NLRP5: variants seen among roughly 807,000 people sequenced by gnomAD.
NLRP5 encodes the protein NACHT, LRR and PYD domains-containing protein 5.
Under a neutral mutation model 113.1 loss-of-function variants are expected in NLRP5, and 93 were observed. The ratio of observed to expected loss-of-function variants is 0.82; its 90% confidence interval spans 0.70 to 0.98. The LOEUF is 0.98. NLRP5 is among the 50% of genes least tolerant of loss of function. The pLI is 0.00. For missense variants in NLRP5, 1,808 were observed against 1,514.3 expected (o/e 1.19, Z -3.22); for synonymous variants, 751 against 600.7 (o/e 1.25, Z -3.66).
intron 11 of NLRP5, 132 bp from the exon 12 acceptor site, chr19:56,050,286 A>AG: frequency 1.3e-6 from 1 of 787,252 alleles, no homozygotes; most frequent in African/African-American, 1.9e-5. Context: ...CAAAAAAAAA[A>AG]AAGAAAAAAA....
chr19:56,022,801 T>G (rs1027511157), intron 6 of NLRP5, among the ~76,000 whole-genome samples: 2 of 152,206 alleles, frequency 1.3e-5, no homozygotes, highest in Non-Finnish European at 2.9e-5. Context: ...CTCAGCTCAC[T>G]GCAACCTCCG....
Position 56,004,097 on chromosome 19 carries a change from T to TA in NLRP5, c.442+4dup. On this transcript the variant is annotated splice_region_variant and intron_variant, in intron 2 of 14. Coordinates refer to ENST00000390649, the MANE Select transcript of NLRP5 (RefSeq NM_153447.4). Reference sequence around the variant, plus strand: ...AGAAGGCACGGGATGACATGAAAAGTAAGCGAGACTTGGGACAAGTCTAGG... The same window carrying TA: ...AGAAGGCACGGGATGACATGAAAAGTAAAGCGAGACTTGGGACAAGTCTAGG... 1 of 1,597,094 alleles carries TA rather than the reference T, an allele frequency of 6.3e-7. No homozygotes were observed. The highest frequency in any genetic ancestry group is 8.5e-7 in the Non-Finnish European group (1 of 1,170,530).
At chr19:56,035,071 TGG>T (rs201177314) in intron 9 of NLRP5, among the ~76,000 whole-genome samples, 1,593 of 152,296 alleles carry the variant, frequency 0.01, 24 homozygotes, top group African/African-American at 0.034. Flanking sequence ...CCCAAGTAGC[TGG>T]GATTACAGGC....
chr19:56,049,336 C>T (rs10419239), intron 11 of NLRP5, among the ~76,000 whole-genome samples: 100,584 of 151,766 alleles, frequency 0.66, 33,917 homozygotes, highest in Non-Finnish European at 0.7. Context: ...TGCACCACCA[C>T]GCCCAACTAA....
rs34855619 is a variant in NLRP5 at position 56,032,344 on chromosome 19, C to CAA, written c.2277-252_2277-251dup. On this transcript the variant is annotated intron_variant, in intron 7 of 14. Coordinates refer to ENST00000390649, the MANE Select transcript of NLRP5 (RefSeq NM_153447.4). ...TGGGCAACGGAGCGAGACTCCATCT[C>CAA]AAAAAAAAAAAAAAAAGATCTGATT... Among the ~76,000 whole-genome samples, 1,216 of 123,584 alleles carry CAA rather than the reference C, an allele frequency of 9.8e-3. 18 individuals carry two copies. Among genetic ancestry groups the CAA allele is most frequent in the African/African-American group, 0.031 (1,048 of 33,878 alleles). The allele number at this position is 123,584 out of a possible 152,430, so 81.1% of individuals were successfully genotyped here. A position where few individuals can be genotyped will look rare whatever the true frequency, so the allele number is the denominator to read the frequency against.
rs536680248 is a variant in NLRP5, at chr19:56,031,191, C to T, written c.2277-1420C>T. Among the ~76,000 whole-genome samples the T allele has an allele frequency of 7.9e-5, 12 of 152,206 alleles. No individual in the cohort carries two copies. In the South Asian group the frequency reaches 8.3e-4, roughly 11 times the overall value. ...TACGATACAATATTAACTACAGGCA[C>T]GACATTGAACAATGGATCTCTAGAA... is the stretch of plus-strand genomic sequence containing the variant. On this transcript the variant is annotated intron_variant, in intron 7 of 14. Transcript: ENST00000390649.
chr19:56,058,209 G>A (rs761487821), intron 13 of NLRP5, 31 bp from the exon 14 acceptor site: 2 of 1,574,914 alleles, frequency 1.3e-6, no homozygotes, highest in East Asian at 2.3e-5. Context: ...TCGATCTTTG[G>A]GGTTATTTTC....
intron 3 of NLRP5, among the ~76,000 whole-genome samples, chr19:56,012,047 C>G (rs1241811939): frequency 6.6e-6 from 1 of 152,082 alleles, no homozygotes; most frequent in Non-Finnish European, 1.5e-5. Flanking sequence ...CATGGTGAAT[C>G]TATTTAGTCT....
chr19:56,050,452 G>A lies in NLRP5; in HGVS notation c.2992G>A (p.Gly998Ser). The change falls in exon 12 of 15, where the codon GGT (glycine) becomes AGT (serine). Residue 998 changes from glycine to serine, a missense_variant. Coordinates refer to ENST00000390649, the MANE Select transcript of NLRP5 (RefSeq NM_153447.4). The stretch of plus-strand genomic sequence containing the variant: ...GTGCCACCTGGACACGGCTGGCTGT[G>A]GTTTTCTTGCACTTGCGCTTATGGG... The A allele has an allele frequency of 1.2e-6, 2 of 1,613,896 alleles. No homozygotes were observed. The highest frequency in any genetic ancestry group is 1.7e-6 in the Non-Finnish European group (2 of 1,179,876).
Position 56,003,785 on chromosome 19 carries a change from GA to G in NLRP5, c.133del (p.Ser45AlafsTer28). On this transcript the variant is annotated frameshift_variant, in exon 2 of 15. Transcript: ENST00000390649. LOFTEE classifies it high-confidence loss of function. The stretch of plus-strand genomic sequence containing the variant: ...AGAATCCACTTTTCCCCCAAAACCT[GA>G]GCTCTCAGCCTTGTATCAAGATGGA... 1 of 1,613,842 alleles carries G rather than the reference GA, an allele frequency of 6.2e-7. No individual in the cohort carries two copies. Among genetic ancestry groups the G allele is most frequent in the South Asian group, 1.1e-5 (1 of 91,072 alleles).
chr19:56,029,481 ATC>A (rs1344647722), intron 7 of NLRP5, among the ~76,000 whole-genome samples: 4 of 148,522 alleles, frequency 2.7e-5, no homozygotes, highest in Admixed American at 2.7e-4. Context: ...GGCCAGGCTG[ATC>A]TCGAACTCCT....
chr19:56,061,601 A>G lies in NLRP5; in HGVS notation c.*73A>G, dbSNP rs113376956. 2.0e-6 allele frequency: 3 copies of G among 1,527,634 alleles called. No homozygotes were observed. The highest frequency in any genetic ancestry group is 9.0e-7 in the Non-Finnish European group (1 of 1,107,662). 94.6% of individuals were successfully genotyped at this position (1,527,634 alleles called of 1,614,324 possible). ...AAACGCTGTTTTCTCAGAGCAAGCT[A>G]TGCACCTGGGAGTTCCTTCTCAAAG... On this transcript the variant is annotated 3_prime_UTR_variant, in exon 15 of 15. Transcript: ENST00000390649.
chr19:56,001,457 T>C (rs2123263909), intron 1 of NLRP5, among the ~76,000 whole-genome samples: 1 of 152,124 alleles, frequency 6.6e-6, no homozygotes, highest in African/African-American at 2.4e-5. Flanking sequence ...TACTTGAAAT[T>C]TTATAATTTA....
At chr19:56,039,325 A>C (rs1288082417) in intron 10 of NLRP5, among the ~76,000 whole-genome samples, 2 of 152,274 alleles carry the variant, frequency 1.3e-5, no homozygotes, top group African/African-American at 4.8e-5. Flanking sequence ...CAGTTTCCTC[A>C]TCACACTAGA....
chr19:56,020,664 C>T (rs1165948107), intron 6 of NLRP5, among the ~76,000 whole-genome samples: 4 of 151,280 alleles, frequency 2.6e-5, no homozygotes, highest in African/African-American at 9.8e-5. Context: ...TTCTAAAGAA[C>T]CCATAATTCT....
At chr19:55,989,495 C>T in the NLRP5 span, among the ~76,000 whole-genome samples, 2 of 152,288 alleles carry the variant, frequency 1.3e-5, no homozygotes, top group East Asian at 3.9e-4. Context: ...TCAGATGATC[C>T]ACCCACCTCA....
intron 6 of NLRP5, among the ~76,000 whole-genome samples, chr19:56,025,610 C>T (rs1045553066): frequency 3.3e-5 from 5 of 151,820 alleles, no homozygotes; most frequent in African/African-American, 9.7e-5. Context: ...CGGGGTTTCA[C>T]TGTGTTAGCC....
intron 7 of NLRP5, 60 bp from the exon 8 acceptor site, chr19:56,032,551 C>T: frequency 6.6e-7 from 1 of 1,506,796 alleles, no homozygotes; most frequent in Non-Finnish European, 9.1e-7. Context: ...GACGTGTTGC[C>T]ACGACTGCTC....
intron 12 of NLRP5, among the ~76,000 whole-genome samples, chr19:56,053,429 C>T (rs1984005061): frequency 6.6e-6 from 1 of 152,116 alleles, no homozygotes; most frequent in Non-Finnish European, 1.5e-5. Flanking sequence ...AAGATACCTT[C>T]AATCACACCA....
Sources: allele counts gnomAD v4.1 joint callset (sites outside exome capture counted in the v4.1 genomes callset), GRCh38; gene constraint gnomAD v4.1.1; transcripts MANE v1.5; gene names NCBI Gene and HGNC (gene_info 2026-07-23, HGNC 2026-07-21).